Variants in PDLIM5 observed in about 807,000 individuals in gnomAD.
PDLIM5 encodes PDZ and LIM domain 5, also known as PDZ and LIM domain protein 5.
PDLIM5 carries 34 observed loss-of-function variants against 64.2 expected under a neutral mutation model. That is an observed-to-expected ratio of 0.53 (90% CI 0.40 to 0.71). PDLIM5 has a LOEUF of 0.71. Ranked by LOEUF, PDLIM5 falls within the 30% of genes least tolerant of loss-of-function variation. The pLI, the probability that PDLIM5 is intolerant of heterozygous loss-of-function variation, is 0.00. For missense variants in PDLIM5, 683 were observed against 733.6 expected, an observed-to-expected ratio of 0.93 and a Z score of 0.80; for synonymous variants, 253 against 269.1, an observed-to-expected ratio of 0.94 and a Z score of 0.59.
At chr4:94,456,714 A>G in intron 2 of PDLIM5, 1 of 1,286,732 alleles carries the variant, frequency 7.8e-7, no homozygotes, top group Non-Finnish European at 9.9e-7. Flanking sequence ...GTACATACAT[A>G]TATATGTGAA....
At chr4:94,554,506 A>G (rs1221119386) in intron 3 of PDLIM5, among the ~76,000 whole-genome samples, 2 of 152,204 alleles carry the variant, frequency 1.3e-5, no homozygotes, top group Non-Finnish European at 2.9e-5. Flanking sequence ...AAAGACACAG[A>G]TTATACATTC....
At chr4:94,613,379 T>C (rs1738525093) in intron 7 of PDLIM5, among the ~76,000 whole-genome samples, 1 of 152,206 alleles carries the variant, frequency 6.6e-6, no homozygotes, top group Non-Finnish European at 1.5e-5. Flanking sequence ...CAAGTATTCT[T>C]AATCTGTATC....
chr4:94,528,023 T>C (rs573075559), intron 3 of PDLIM5, among the ~76,000 whole-genome samples: 69 of 152,322 alleles, frequency 4.5e-4, no homozygotes, highest in Non-Finnish European at 8.8e-5. Context: ...CTAATCCCTC[T>C]GCTCAGAAGG....
intron 7 of PDLIM5, among the ~76,000 whole-genome samples, chr4:94,615,962 C>A (rs1738753718): frequency 6.6e-6 from 1 of 152,072 alleles, no homozygotes; most frequent in Admixed American, 6.6e-5. Flanking sequence ...GTTCCTTCAC[C>A]CAAACTATAT....
At chr4:94,507,300 C>T (rs1258788436) in intron 2 of PDLIM5, among the ~76,000 whole-genome samples, 1 of 152,046 alleles carries the variant, frequency 6.6e-6, no homozygotes, top group African/African-American at 2.4e-5. Flanking sequence ...CCTGGTGTCC[C>T]AAAATTCATG....
At chr4:94,566,327 T>C (rs774101635) in intron 3 of PDLIM5, among the ~76,000 whole-genome samples, 22 of 152,198 alleles carry the variant, frequency 1.4e-4, no homozygotes, top group Non-Finnish European at 3.1e-4. Context: ...TTATTGGCAT[T>C]TGGTAGGTAC....
intron 11 of PDLIM5, among the ~76,000 whole-genome samples, chr4:94,661,225 C>T: frequency 6.6e-6 from 1 of 151,988 alleles, no homozygotes; most frequent in African/African-American, 2.4e-5. Context: ...CCTGTCTCTA[C>T]AAAAAAAATT....
At chr4:94,460,620 C>CA (rs1305320300) in intron 2 of PDLIM5, among the ~76,000 whole-genome samples, 3,276 of 87,598 alleles carry the variant, frequency 0.037, 138 homozygotes, top group African/African-American at 0.12. Context: ...GACCCTGTCT[C>CA]AAAAAAAAAA....
intron 7 of PDLIM5, chr4:94,588,256 C>T: frequency 1.2e-6 from 1 of 827,780 alleles, no homozygotes; most frequent in Non-Finnish European, 1.5e-6. Flanking sequence ...TGTGAGGTTA[C>T]TAAAATATGG....
chr4:94,461,875 G>C (rs1291537656), intron 2 of PDLIM5, among the ~76,000 whole-genome samples: 3 of 148,766 alleles, frequency 2.0e-5, no homozygotes, highest in East Asian at 3.9e-4. Flanking sequence ...AAAAAATAAA[G>C]AGGACTTTTT....
intron 2 of PDLIM5, among the ~76,000 whole-genome samples, chr4:94,492,705 G>A (rs768208387): frequency 1.3e-5 from 2 of 151,876 alleles, no homozygotes; most frequent in African/African-American, 4.8e-5. Context: ...GCATAATACC[G>A]GTTTCTTACT....
chr4:94,598,563 A>G (rs1227729166), intron 7 of PDLIM5, among the ~76,000 whole-genome samples: 1 of 152,124 alleles, frequency 6.6e-6, no homozygotes, highest in Non-Finnish European at 1.5e-5. Flanking sequence ...ACTTATTAGC[A>G]GTGGCCCCTG....
intron 2 of PDLIM5, among the ~76,000 whole-genome samples, chr4:94,498,807 T>C (rs1727641361): frequency 6.6e-6 from 1 of 152,262 alleles, no homozygotes; most frequent in Non-Finnish European, 1.5e-5. Context: ...AAGTAGGTTC[T>C]TTAATCCTTC....
intron 2 of PDLIM5, among the ~76,000 whole-genome samples, chr4:94,484,438 T>C (rs962062662): frequency 6.6e-6 from 1 of 152,200 alleles, no homozygotes; most frequent in Non-Finnish European, 1.5e-5. Flanking sequence ...TTAATTTACT[T>C]TGCGTGGATC....
rs147228932 is a variant in PDLIM5 at position 94,575,425 on chromosome 4, T to C, written c.292-191T>C. Among the ~76,000 whole-genome samples the C allele has an allele frequency of 4.3e-3, 654 of 152,356 alleles. 1 individual carries two copies. Among genetic ancestry groups the C allele is most frequent in the African/African-American group, 0.015 (608 of 41,588 alleles). ...ATACCTAATGTGTGCATCTGTGTTA[T>C]GCATGTTGGGACTAGTTAGCATGCA... On this transcript the variant is annotated intron_variant, in intron 4 of 12. Transcript: ENST00000317968.
At chr4:94,499,536 C>T (rs1276288954) in intron 2 of PDLIM5, among the ~76,000 whole-genome samples, 1 of 152,152 alleles carries the variant, frequency 6.6e-6, no homozygotes, top group Admixed American at 6.5e-5. Flanking sequence ...CAACAGTTTA[C>T]ATAGCATTTA....
At chr4:94,609,510 A>G (rs1738188881) in intron 7 of PDLIM5, among the ~76,000 whole-genome samples, 1 of 152,202 alleles carries the variant, frequency 6.6e-6, no homozygotes, top group Admixed American at 6.5e-5. Flanking sequence ...GAAAATAGAA[A>G]TATGGAACTC....
intron 2 of PDLIM5, among the ~76,000 whole-genome samples, chr4:94,505,988 A>C (rs1728360380): frequency 6.6e-6 from 1 of 152,108 alleles, no homozygotes; most frequent in African/African-American, 2.4e-5. Flanking sequence ...CAAACTTATC[A>C]TGCCTTGGTC....
intron 8 of PDLIM5, among the ~76,000 whole-genome samples, chr4:94,633,384 G>A (rs1268017922): frequency 6.6e-6 from 1 of 152,106 alleles, no homozygotes; most frequent in Non-Finnish European, 1.5e-5. Flanking sequence ...TACATTTGAA[G>A]TATTTCAATC....
Sources: allele counts gnomAD v4.1 joint callset (sites outside exome capture counted in the v4.1 genomes callset), GRCh38; gene constraint gnomAD v4.1.1; transcripts MANE v1.5; gene names NCBI Gene and HGNC (gene_info 2026-07-23, HGNC 2026-07-21).